The following SGCD variants were observed in gnomAD, a reference collection of about 807,000 sequenced individuals.
SGCD encodes delta-sarcoglycan.
Under a neutral mutation model 36.6 loss-of-function variants are expected in SGCD, and 18 were observed. That is an observed-to-expected ratio of 0.49 (90% CI 0.34 to 0.73). SGCD has a LOEUF of 0.73. Among genes scored for constraint, SGCD ranks in the 30% least tolerant of loss-of-function variants. The probability of loss-of-function intolerance (pLI) is 0.01; values close to 1 mark genes in which losing one functional copy is unlikely to be tolerated. For synonymous variants in SGCD, 133 were observed against 130.6 expected (o/e 1.02, Z -0.12); for missense variants, 387 against 346.7 (o/e 1.12, Z -0.92).
intron 3 of SGCD, among the ~76,000 whole-genome samples, chr5:156,227,445 G>A (rs1764887579): frequency 6.6e-6 from 1 of 152,056 alleles, no homozygotes; most frequent in Non-Finnish European, 1.5e-5. Flanking sequence ...TCTCTATTCT[G>A]TTATATTGGT....
chr5:156,003,966 T>C (rs1758711100), intron 1 of SGCD, among the ~76,000 whole-genome samples: 2 of 152,166 alleles, frequency 1.3e-5, no homozygotes, highest in African/African-American at 2.4e-5. Context: ...GATAGAAATA[T>C]AGATTTTGTT....
intron 3 of SGCD, among the ~76,000 whole-genome samples, chr5:156,466,747 A>G (rs746279275): frequency 2.6e-5 from 4 of 152,224 alleles, no homozygotes; most frequent in African/African-American, 9.7e-5. Flanking sequence ...AGTATCCACA[A>G]TACTTTTAGA....
At chr5:155,872,487 A>C (rs1190452441) in intron 1 of SGCD, among the ~76,000 whole-genome samples, 4 of 152,136 alleles carry the variant, frequency 2.6e-5, no homozygotes, top group Admixed American at 2.0e-4. Flanking sequence ...ATCCAATAAC[A>C]TTGCTGTTAA....
intron 6 of SGCD, among the ~76,000 whole-genome samples, chr5:156,615,707 A>G (rs868027354): frequency 3.3e-5 from 5 of 152,154 alleles, no homozygotes; most frequent in Admixed American, 2.0e-4. Flanking sequence ...CCTGCTCTCT[A>G]TGGGAGCTCT....
At chr5:156,739,038 A>C (rs1756525042) in intron 7 of SGCD, among the ~76,000 whole-genome samples, 1 of 152,226 alleles carries the variant, frequency 6.6e-6, no homozygotes, top group Non-Finnish European at 1.5e-5. Flanking sequence ...ATAAGTTAGA[A>C]GTAAGAATAA....
At chr5:156,137,874 A>G (rs982626156) in intron 3 of SGCD, among the ~76,000 whole-genome samples, 8 of 152,220 alleles carry the variant, frequency 5.3e-5, no homozygotes, top group African/African-American at 1.9e-4. Flanking sequence ...CAGCTACAGC[A>G]AAATAGTTAA....
At chr5:156,493,316 T>A (rs1481944548) in intron 3 of SGCD, among the ~76,000 whole-genome samples, 2 of 152,200 alleles carry the variant, frequency 1.3e-5, no homozygotes, top group Admixed American at 1.3e-4. Flanking sequence ...AATATAGTCA[T>A]CATGTACAAT....
At chr5:156,108,441 G>A (rs911683908) in intron 1 of SGCD, among the ~76,000 whole-genome samples, 4 of 151,972 alleles carry the variant, frequency 2.6e-5, no homozygotes, top group Non-Finnish European at 5.9e-5. Context: ...GGAGATAATA[G>A]TTAAAACCAA....
chr5:156,629,203 C>T (rs1762539980), intron 6 of SGCD, among the ~76,000 whole-genome samples: 1 of 152,056 alleles, frequency 6.6e-6, no homozygotes. Context: ...CCATTCAAGG[C>T]AACACTTGAA....
chr5:156,363,221 C>G (rs562775428), intron 3 of SGCD, among the ~76,000 whole-genome samples: 1 of 152,290 alleles, frequency 6.6e-6, no homozygotes, highest in African/African-American at 2.4e-5. Flanking sequence ...AACCTCTTCA[C>G]TACTGACCTC....
At chr5:156,529,518 A>C (rs1203892652) in intron 4 of SGCD, among the ~76,000 whole-genome samples, 1 of 151,872 alleles carries the variant, frequency 6.6e-6, no homozygotes, top group Non-Finnish European at 1.5e-5. Context: ...TGGCAAAAAA[A>C]AAAATGTTGC....
chr5:156,742,075 C>G (rs1375698768), intron 7 of SGCD, among the ~76,000 whole-genome samples: 1 of 152,022 alleles, frequency 6.6e-6, no homozygotes, highest in Non-Finnish European at 1.5e-5. Context: ...CGGGGTTTCA[C>G]CCATGTTAGC....
chr5:155,872,351 G>GCACACACACACA (rs3085993), intron 1 of SGCD, among the ~76,000 whole-genome samples: 15 of 144,980 alleles, frequency 1.0e-4, no homozygotes, highest in African/African-American at 2.3e-4. Context: ...CTTCTCTTCA[G>GCACACACACACA]CACACACACA....
chr5:156,381,611 T>C (rs980274909), intron 3 of SGCD, among the ~76,000 whole-genome samples: 11 of 152,208 alleles, frequency 7.2e-5, no homozygotes, highest in Admixed American at 1.3e-4. Flanking sequence ...CATTATGCAT[T>C]TTATATTTCT....
intron 1 of SGCD, among the ~76,000 whole-genome samples, chr5:156,006,391 A>G (rs972790627): frequency 2.6e-5 from 4 of 152,128 alleles, no homozygotes; most frequent in Non-Finnish European, 5.9e-5. Flanking sequence ...TTTATTCACT[A>G]ACTGGTTCAA....
At chr5:156,309,492 A>G (rs76236511) in intron 3 of SGCD, among the ~76,000 whole-genome samples, 2,011 of 151,828 alleles carry the variant, frequency 0.013, 13 homozygotes, top group Non-Finnish European at 0.018. Flanking sequence ...TCAGTTTCAG[A>G]ATTTTATTTT....
chr5:156,120,603 T>C (rs1762014748), intron 2 of SGCD, among the ~76,000 whole-genome samples: 1 of 152,184 alleles, frequency 6.6e-6, no homozygotes, highest in African/African-American at 2.4e-5. Context: ...TTGGATCATG[T>C]CCTTGGATGA....
At chr5:156,635,690 G>A (rs1762801140) in intron 6 of SGCD, among the ~76,000 whole-genome samples, 1 of 152,086 alleles carries the variant, frequency 6.6e-6, no homozygotes, top group Non-Finnish European at 1.5e-5. Context: ...ATACACCATG[G>A]AATACTATGC....
chr5:155,766,565 C>G, the SGCD span, among the ~76,000 whole-genome samples: 74 of 152,096 alleles, frequency 4.9e-4, no homozygotes, highest in Middle Eastern at 6.8e-3. Flanking sequence ...TCTGGGGTAC[C>G]CTTCTGCAAA....
Sources: gnomAD v4.1 joint callset for allele counts (sites outside exome capture counted in the v4.1 genomes callset) on GRCh38, gnomAD v4.1.1 for gene constraint, MANE v1.5 for transcripts, NCBI Gene and HGNC (gene_info 2026-07-23, HGNC 2026-07-21) for gene names.